Variants in RGS3 observed in about 807,000 individuals in gnomAD.
RGS3 encodes regulator of G protein signaling 3, also known as regulator of G-protein signalling 3.
Under a neutral mutation model 132.6 loss-of-function variants are expected in RGS3, and 80 were observed. The ratio of observed to expected loss-of-function variants is 0.60; its 90% confidence interval spans 0.50 to 0.73. The LOEUF (loss-of-function observed/expected upper bound fraction) is 0.73, where lower values mean the gene tolerates loss of function less well. Among genes scored for constraint, RGS3 ranks in the 30% least tolerant of loss-of-function variants. The probability of loss-of-function intolerance (pLI) is 0.00; values close to 1 mark genes in which losing one functional copy is unlikely to be tolerated. For synonymous variants in RGS3, 598 were observed against 620.6 expected (o/e 0.96, Z 0.54); for missense variants, 1,382 against 1,530.8 (o/e 0.90, Z 1.62).
chr9:113,520,127 C>G (rs1831869254), intron 16 of RGS3, among the ~76,000 whole-genome samples: 2 of 152,240 alleles, frequency 1.3e-5, no homozygotes, highest in South Asian at 2.1e-4. Flanking sequence ...TCAACTCTGA[C>G]CCTTTGGAAA....
chr9:113,594,895 T>G, intron 22 of RGS3, 24 bp from the exon 21 acceptor site: 3 of 1,612,182 alleles, frequency 1.9e-6, no homozygotes, highest in Non-Finnish European at 1.7e-6. Context: ...GTGCCCTCAC[T>G]GTGTTTCCTC....
In RGS3 at chr9:113,522,915, T is replaced by C; in HGVS notation, c.1759-15T>C. ...CAGCAAAGTAGCCAGTTCTGTTTGC[T>C]CTCTGTCAACCCAGGTGACACTGTT... On this transcript the variant is annotated splice_polypyrimidine_tract_variant and intron_variant, in intron 16 of 24. Coordinates refer to ENST00000350696, the Ensembl canonical transcript of RGS3. 6.4e-7 allele frequency: 1 copy of C among 1,569,472 alleles called. No homozygotes were observed. The highest frequency in any genetic ancestry group is 1.1e-5 in the South Asian group (1 of 90,246).
At chr9:113,509,613 G>T (rs570417894) in intron 14 of RGS3, among the ~76,000 whole-genome samples, 2 of 152,298 alleles carry the variant, frequency 1.3e-5, no homozygotes, top group Non-Finnish European at 2.9e-5. Flanking sequence ...GATCCTTCGC[G>T]TGCCTGCCAG....
At chr9:113,547,066 G>A (rs764612320) in intron 19 of RGS3, among the ~76,000 whole-genome samples, 15 of 152,144 alleles carry the variant, frequency 9.9e-5, no homozygotes, top group Non-Finnish European at 1.5e-4. Flanking sequence ...CTCAGAAAAG[G>A]TGGAGATCCA....
chr9:113,595,176 T>C lies in RGS3; in HGVS notation c.3244+196T>C, dbSNP rs1335038206. The C allele has an allele frequency of 8.2e-6, 5 of 606,424 alleles. No individual in the cohort carries two copies. In the Admixed American group the frequency reaches 8.5e-5, roughly 10 times the overall value. 37.6% of individuals were successfully genotyped at this position (606,424 alleles called of 1,614,324 possible). On this transcript the variant is annotated intron_variant, in intron 23 of 24. Coordinates refer to ENST00000350696, the Ensembl canonical transcript of RGS3. ...CTTGGAGCCAGCTTCTGCCAGCCCC[T>C]CCCCGTCCATGTGAGCTGGCACTGC...
chr9:113,465,717 C>T (rs1456968557), intron 3 of RGS3, among the ~76,000 whole-genome samples: 1 of 152,088 alleles, frequency 6.6e-6, no homozygotes, highest in African/African-American at 2.4e-5. Context: ...TGATGGGTAT[C>T]AGGGAAGGCT....
chr9:113,529,010 G>A (rs776980368), intron 17 of RGS3, among the ~76,000 whole-genome samples: 1 of 152,182 alleles, frequency 6.6e-6, no homozygotes, highest in Non-Finnish European at 1.5e-5. Context: ...AGGCTGACCC[G>A]CAGGCAAATG....
intron 11 of RGS3, 122 bp downstream of exon 9, chr9:113,505,645 TGAAAA>T (rs1181305949): frequency 1.4e-6 from 1 of 723,782 alleles, no homozygotes; most frequent in Non-Finnish European, 2.4e-6. Flanking sequence ...CTTTTCAAAA[TGAAAA>T]GAATAATATT....
At chr9:113,596,972 T>C (rs373657243) in exon 25 of RGS3, 22 of 1,582,216 alleles carry the variant, frequency 1.4e-5, no homozygotes, top group Non-Finnish European at 1.8e-5. Context: ...GGAGTCGAGC[T>C]CAGCGTTCAC....
At chr9:113,447,361 A>ATATATATATATATATATATATATC (rs1554751008) in intron 1 of RGS3, among the ~76,000 whole-genome samples, 6 of 118,416 alleles carry the variant, frequency 5.1e-5, no homozygotes, top group African/African-American at 1.9e-4. Context: ...ATATATATAT[A>ATATATATATATATATATATATATC]GGCAAGGGTT....
In RGS3 at chr9:113,537,059, C is replaced by T; in HGVS notation, c.2037+141C>T. 1.4e-6 allele frequency: 1 copy of T among 733,118 alleles called. No individual in the cohort carries two copies. The highest frequency in any genetic ancestry group is 2.2e-6 in the Non-Finnish European group (1 of 450,514). 45.4% of individuals were successfully genotyped at this position (733,118 alleles called of 1,614,324 possible). On this transcript the variant is annotated intron_variant, in intron 19 of 24. Transcript: ENST00000350696. This position sits in a 1 kb window ranked among gnomAD's most constrained non-coding sequence, Gnocchi z 4.3. ...GCAATGAGCTCTTGGCAAGCGGGGACCTGTGCCCGAATGTCTCTCCCCCTT... is the reference window on the plus strand; with the variant it reads ...GCAATGAGCTCTTGGCAAGCGGGGATCTGTGCCCGAATGTCTCTCCCCCTT...
intron 19 of RGS3, among the ~76,000 whole-genome samples, chr9:113,575,047 G>A (rs899948187): frequency 1.3e-5 from 2 of 152,152 alleles, no homozygotes; most frequent in Non-Finnish European, 2.9e-5. Flanking sequence ...AAATGGAGGC[G>A]AGAGGAGAAG....
intron 21 of RGS3, chr9:113,593,638 G>T: frequency 2.3e-6 from 1 of 431,058 alleles, no homozygotes; most frequent in Non-Finnish European, 4.1e-6. Flanking sequence ...CTGAGAGGCC[G>T]GCTGGCAGGA....
intron 7 of RGS3, among the ~76,000 whole-genome samples, chr9:113,488,370 T>C (rs1329104477): frequency 6.6e-6 from 1 of 152,052 alleles, no homozygotes; most frequent in Non-Finnish European, 1.5e-5. Context: ...GACAGAGATA[T>C]GGGAGCCATG....
chr9:113,489,562 C>T (rs1469144774), intron 7 of RGS3, among the ~76,000 whole-genome samples: 1 of 152,164 alleles, frequency 6.6e-6, no homozygotes, highest in Non-Finnish European at 1.5e-5. Context: ...CTCACTCTGT[C>T]ACCCAGGCTA....
Position 113,463,605 on chromosome 9 carries a change from C to T in RGS3, c.415+1404C>T. The T allele has an allele frequency of 4.5e-6, 5 of 1,109,016 alleles. No individual in the cohort carries two copies. The highest frequency in any genetic ancestry group is 5.9e-6 in the Non-Finnish European group (5 of 844,360). 68.7% of individuals were successfully genotyped at this position (1,109,016 alleles called of 1,614,324 possible). ...CGCCGCCTCCCCCACCCCGGCCCAG[C>T]TCTGCTCCGGCAGGTGGAACTCTCC... On this transcript the variant is annotated intron_variant, in intron 3 of 24. Transcript: ENST00000350696. This position sits in a 1 kb window ranked among gnomAD's most constrained non-coding sequence, Gnocchi z 4.6.
intron 19 of RGS3, among the ~76,000 whole-genome samples, chr9:113,540,169 T>C (rs1241611275): frequency 6.6e-6 from 1 of 152,104 alleles, no homozygotes; most frequent in Non-Finnish European, 1.5e-5. Flanking sequence ...CGCCTACCTT[T>C]CTTCTTCTGC....
chr9:113,512,187 G>A (rs1330254696), intron 14 of RGS3, among the ~76,000 whole-genome samples: 1 of 152,202 alleles, frequency 6.6e-6, no homozygotes, highest in African/African-American at 2.4e-5. Context: ...GGAAGTCAGT[G>A]ATCAAGCTCG....
At chr9:113,486,852 T>G (rs1830347134) in intron 7 of RGS3, among the ~76,000 whole-genome samples, 1 of 152,190 alleles carries the variant, frequency 6.6e-6, no homozygotes, top group Non-Finnish European at 1.5e-5. Flanking sequence ...AGTATCCACT[T>G]TTCATCCTAG....
Sources: allele counts gnomAD v4.1 joint callset (sites outside exome capture counted in the v4.1 genomes callset), GRCh38; gene constraint gnomAD v4.1.1; non-coding constraint Gnocchi (gnomAD v3.1); transcripts MANE v1.5; gene names NCBI Gene and HGNC (gene_info 2026-07-23, HGNC 2026-07-21).